The following SERINC5 variants were observed in gnomAD, a reference collection of about 807,000 sequenced individuals.
SERINC5 encodes chromosome 5 open reading frame 12.
In SERINC5, 41 loss-of-function variants were observed where a neutral mutation model predicts 63.1. The observed-to-expected ratio is 0.65, with a 90% CI of 0.51 to 0.84. The LOEUF is 0.84. Among genes scored for constraint, SERINC5 ranks in the 40% least tolerant of loss-of-function variants. SERINC5 has a pLI of 0.00. For missense variants in SERINC5, 523 were observed against 573.0 expected (o/e 0.91, Z 0.89); for synonymous variants, 222 against 215.2 (o/e 1.03, Z -0.28).
chr5:80,142,750 G>A lies in SERINC5; in HGVS notation c.*913C>T, dbSNP rs561375292. ...ACTGAAAGAGCAGTGCATGCAGCAGGCTTCAACACGAAGCAGCTTTTCAGT... is the reference window on the plus strand; with the variant it reads ...ACTGAAAGAGCAGTGCATGCAGCAGACTTCAACACGAAGCAGCTTTTCAGT... On this transcript the variant is annotated 3_prime_UTR_variant, in exon 12 of 12. Transcript: ENST00000507668. The A allele has an allele frequency of 1.8e-4, 177 of 985,440 alleles. 1 individual carries two copies. In the African/African-American group the frequency reaches 2.8e-3, roughly 16 times the overall value. The allele number at this position is 985,440 out of a possible 1,614,324, so 61.0% of individuals were successfully genotyped here.
intron 1 of SERINC5, among the ~76,000 whole-genome samples, chr5:80,208,402 T>A (rs952070276): frequency 2.6e-5 from 4 of 151,406 alleles, no homozygotes; most frequent in African/African-American, 9.7e-5. Flanking sequence ...GCCTATTTTT[T>A]AAAAATATAA....
At chr5:80,183,347 T>G (rs1342475680) in intron 2 of SERINC5, among the ~76,000 whole-genome samples, 2 of 152,080 alleles carry the variant, frequency 1.3e-5, no homozygotes, top group African/African-American at 2.4e-5. Context: ...AAGCAGGAGT[T>G]TGCTCTTTAA....
At chr5:80,210,538 T>C (rs907857728) in intron 1 of SERINC5, among the ~76,000 whole-genome samples, 10 of 152,210 alleles carry the variant, frequency 6.6e-5, no homozygotes, top group Non-Finnish European at 1.2e-4. Context: ...GTACTACTTC[T>C]GTTAAATTAA....
chr5:80,153,995 C>G (rs1746353380), intron 8 of SERINC5, among the ~76,000 whole-genome samples: 1 of 152,086 alleles, frequency 6.6e-6, no homozygotes, highest in Non-Finnish European at 1.5e-5. Context: ...TCCAAACTTT[C>G]CTGGAGATCA....
intron 1 of SERINC5, among the ~76,000 whole-genome samples, chr5:80,211,085 T>C (rs1440638710): frequency 6.6e-6 from 1 of 152,060 alleles, no homozygotes; most frequent in African/African-American, 2.4e-5. Flanking sequence ...TTCTTAGATG[T>C]TGAAAAACAA....
chr5:80,216,776 C>T (rs1339736885), intron 1 of SERINC5, among the ~76,000 whole-genome samples: 1 of 151,808 alleles, frequency 6.6e-6, no homozygotes, highest in African/African-American at 2.4e-5. Context: ...TTTGGGAGGC[C>T]GAGGTGGGTA....
intron 1 of SERINC5, among the ~76,000 whole-genome samples, chr5:80,204,582 T>C (rs1035529723): frequency 7.2e-5 from 11 of 152,140 alleles, no homozygotes; most frequent in Non-Finnish European, 1.6e-4. Flanking sequence ...ATGACAACCA[T>C]CAATGGTTTG....
In SERINC5 at chr5:80,204,675, A is replaced by C. The variant is rs139089781; in HGVS notation, c.28-1622T>G. 7.9e-5 allele frequency among the ~76,000 whole-genome samples: 12 copies of C among 152,330 alleles called. No individual in the cohort carries two copies. In the East Asian group the frequency reaches 1.4e-3, roughly 17 times the overall value. ...GACTCTCAGACAAAAAGATTTCTAC[A>C]ATCAGCTAAGAGCAAGAGAAGAAGC... On this transcript the variant is annotated intron_variant, in intron 1 of 11. Transcript: ENST00000507668.
intron 8 of SERINC5, among the ~76,000 whole-genome samples, chr5:80,152,287 G>A (rs1163711762): frequency 1.3e-5 from 2 of 152,124 alleles, no homozygotes; most frequent in Non-Finnish European, 2.9e-5. Context: ...GATCGCTTGA[G>A]CCCAGGAGTT....
chr5:80,230,459 A>AAAAAAAAAAAG (rs70982042), intron 1 of SERINC5, among the ~76,000 whole-genome samples: 1,696 of 128,450 alleles, frequency 0.013, 76 homozygotes, highest in African/African-American at 0.039. Flanking sequence ...AAAAAAAAAA[A>AAAAAAAAAAAG]AAAGAAACCA....
chr5:80,193,892 G>A (rs375377130), intron 2 of SERINC5, among the ~76,000 whole-genome samples: 2 of 152,148 alleles, frequency 1.3e-5, no homozygotes, highest in South Asian at 2.1e-4. Context: ...GGAAACATAT[G>A]TCTCCAGAGT....
chr5:80,115,633 A>G (rs1744297353), intron 11 of SERINC5, among the ~76,000 whole-genome samples: 2 of 152,046 alleles, frequency 1.3e-5, no homozygotes, highest in Admixed American at 1.3e-4. Flanking sequence ...GAAGGAAGGA[A>G]TCAATGAATA....
intron 1 of SERINC5, among the ~76,000 whole-genome samples, chr5:80,251,306 A>G (rs1056649997): frequency 2.1e-5 from 3 of 141,512 alleles, no homozygotes; most frequent in East Asian, 3.9e-4. Context: ...ATACATACAT[A>G]CATACATACA....
chr5:80,224,925 T>G (rs1298244084), intron 1 of SERINC5, among the ~76,000 whole-genome samples: 1 of 24,510 alleles, frequency 4.1e-5, no homozygotes, highest in Non-Finnish European at 8.3e-5. Flanking sequence ...CGCCCAGCGT[T>G]TTTTTTTTTG....
At chr5:80,171,399 G>A (rs1289807155) in intron 5 of SERINC5, among the ~76,000 whole-genome samples, 1 of 152,152 alleles carries the variant, frequency 6.6e-6, no homozygotes, top group Non-Finnish European at 1.5e-5. Context: ...GGAGGAAAGA[G>A]AATTACCTTT....
chr5:80,161,635 TTC>T (rs760063672), intron 7 of SERINC5, among the ~76,000 whole-genome samples: 4 of 152,242 alleles, frequency 2.6e-5, no homozygotes, highest in Non-Finnish European at 5.9e-5. Flanking sequence ...TGCAAATATT[TTC>T]TCTGATTCTG....
chr5:80,187,701 CATT>C (rs1334762215), intron 2 of SERINC5, among the ~76,000 whole-genome samples: 1 of 152,112 alleles, frequency 6.6e-6, no homozygotes, highest in Non-Finnish European at 1.5e-5. Flanking sequence ...TACATTGTAT[CATT>C]ATTAAAAGCC....
intron 1 of SERINC5, among the ~76,000 whole-genome samples, chr5:80,239,858 A>G (rs1186789791): frequency 6.6e-6 from 1 of 152,134 alleles, no homozygotes; most frequent in Non-Finnish European, 1.5e-5. Flanking sequence ...TTATTATGGT[A>G]CAAGAAATCG....
intron 1 of SERINC5, among the ~76,000 whole-genome samples, chr5:80,232,101 T>TAAAAAAA (rs34890012): frequency 8.4e-6 from 1 of 119,498 alleles, no homozygotes; most frequent in South Asian, 2.9e-4. Flanking sequence ...GATTCTGTCT[T>TAAAAAAA]AAAAAAAAAA....
Sources: allele counts gnomAD v4.1 joint callset (sites outside exome capture counted in the v4.1 genomes callset), GRCh38; gene constraint gnomAD v4.1.1; transcripts MANE v1.5; gene names NCBI Gene and HGNC (gene_info 2026-07-23, HGNC 2026-07-21).